The following DGUOK variants were observed in gnomAD, a reference collection of about 807,000 sequenced individuals.
DGUOK encodes the protein deoxyguanosine kinase, also known as deoxyguanosine kinase, mitochondrial.
A neutral mutation model predicts 36.6 loss-of-function variants in DGUOK; 30 were observed. The ratio of observed to expected loss-of-function variants is 0.82; its 90% CI spans 0.61 to 1.11. The LOEUF is 1.11. Ranked by LOEUF, DGUOK falls within the 50% of genes most tolerant of loss-of-function variation. DGUOK has a pLI of 0.00. For missense variants in DGUOK, 361 were observed against 336.4 expected, an observed-to-expected ratio of 1.07 and a Z score of -0.57; for synonymous variants, 145 against 126.3, an observed-to-expected ratio of 1.15 and a Z score of -0.99.
chr2:73,938,745 A>T (rs1270109008), intron 1 of DGUOK, among the ~76,000 whole-genome samples, 165 bp from the exon 2 acceptor site: 1 of 152,212 alleles, frequency 6.6e-6, no homozygotes, highest in African/African-American at 2.4e-5. Context: ...GGTTAGCATG[A>T]ATTGATCTGT....
At chr2:73,931,475 A>G (rs1055457750) in intron 1 of DGUOK, among the ~76,000 whole-genome samples, 2 of 152,182 alleles carry the variant, frequency 1.3e-5, no homozygotes, top group African/African-American at 4.8e-5. Flanking sequence ...AAGTAGTTGG[A>G]TGTGCCTGGA....
intron 1 of DGUOK, among the ~76,000 whole-genome samples, chr2:73,930,794 CTTTTTTTT>C (rs1028341314): frequency 5.6e-5 from 2 of 35,704 alleles, no homozygotes; most frequent in South Asian, 1.1e-3. Context: ...TTTTTTTTTT[CTTTTTTTT>C]TTTTTTTTTT....
At chr2:73,956,208 C>A (rs754225160) in intron 4 of DGUOK, among the ~76,000 whole-genome samples, 8 of 152,230 alleles carry the variant, frequency 5.3e-5, no homozygotes, top group Non-Finnish European at 1.2e-4. Context: ...GAATTATGTA[C>A]ACTCTGCAAA....
At chr2:73,951,213 C>T (rs1190486253) in intron 4 of DGUOK, among the ~76,000 whole-genome samples, 1 of 152,076 alleles carries the variant, frequency 6.6e-6, no homozygotes, top group Admixed American at 6.5e-5. Context: ...GCAGGATGGA[C>T]TATAGCAGTT....
intron 3 of DGUOK, 134 bp from the exon 4 acceptor site, chr2:73,950,451 C>T (rs936592121): frequency 3.3e-6 from 3 of 902,122 alleles, no homozygotes; most frequent in African/African-American, 3.3e-5. Context: ...TGATGAGGAG[C>T]TAGAAAGGTT....
chr2:73,958,084 T>C, intron 5 of DGUOK, 62 bp from the exon 6 acceptor site: 2 of 1,364,730 alleles, frequency 1.5e-6, no homozygotes, highest in Non-Finnish European at 2.1e-6. Flanking sequence ...GGCGAGTATG[T>C]GAAACTTGAC....
intron 1 of DGUOK, among the ~76,000 whole-genome samples, chr2:73,930,008 C>T (rs1297972646): frequency 6.6e-6 from 1 of 152,132 alleles, no homozygotes; most frequent in Non-Finnish European, 1.5e-5. Context: ...TAAATCGGGA[C>T]AGAGGATAGA....
chr2:73,933,879 G>A (rs1011762508), intron 1 of DGUOK, among the ~76,000 whole-genome samples: 3 of 152,132 alleles, frequency 2.0e-5, no homozygotes, highest in Non-Finnish European at 4.4e-5. Flanking sequence ...AATGAATGCA[G>A]CATCAAATAC....
At chr2:73,932,680 T>C (rs182776913) in intron 1 of DGUOK, 15 of 1,284,640 alleles carry the variant, frequency 1.2e-5, no homozygotes, top group African/African-American at 1.1e-4. Flanking sequence ...CTGACCAAAA[T>C]TGGGTATGTT....
intron 4 of DGUOK, among the ~76,000 whole-genome samples, chr2:73,953,286 C>G (rs1414643149): frequency 3.4e-4 from 32 of 93,706 alleles, no homozygotes; most frequent in African/African-American, 7.3e-4. Context: ...TGATCATCAT[C>G]ATCATCGTCG....
At chr2:73,932,179 A>G (rs757903565) in intron 1 of DGUOK, among the ~76,000 whole-genome samples, 3 of 152,074 alleles carry the variant, frequency 2.0e-5, no homozygotes, top group Non-Finnish European at 1.5e-5. Flanking sequence ...AGTAAATGCA[A>G]TTGCCCAAGA....
intron 2 of DGUOK, among the ~76,000 whole-genome samples, chr2:73,945,727 C>T (rs1005241206): frequency 1.3e-5 from 2 of 152,330 alleles, no homozygotes; most frequent in East Asian, 1.9e-4. Context: ...TTCACTTTTG[C>T]ATTGTTGAGT....
chr2:73,945,567 G>A (rs1682239254), intron 2 of DGUOK, among the ~76,000 whole-genome samples: 1 of 152,094 alleles, frequency 6.6e-6, no homozygotes, highest in Non-Finnish European at 1.5e-5. Context: ...GATTAATTGA[G>A]GTAACATACC....
At chr2:73,950,871 T>C in intron 4 of DGUOK, 139 bp downstream of exon 4, 1 of 1,174,682 alleles carries the variant, frequency 8.5e-7, no homozygotes, top group Non-Finnish European at 1.3e-6. Context: ...GGGGACACCC[T>C]CCTGTCCCAG....
intron 4 of DGUOK, among the ~76,000 whole-genome samples, chr2:73,952,022 T>C (rs1682741047): frequency 6.6e-6 from 1 of 152,064 alleles, no homozygotes; most frequent in African/African-American, 2.4e-5. Context: ...GTTTAAAAAT[T>C]AGCTGAGTGT....
intron 1 of DGUOK, among the ~76,000 whole-genome samples, chr2:73,936,665 C>G (rs1269179024): frequency 6.6e-6 from 1 of 152,172 alleles, no homozygotes; most frequent in Non-Finnish European, 1.5e-5. Context: ...GGTCCAGATA[C>G]AGTCTTAAGA....
At chr2:73,941,251 G>A (rs955966556) in intron 2 of DGUOK, among the ~76,000 whole-genome samples, 22 of 152,266 alleles carry the variant, frequency 1.4e-4, no homozygotes, top group African/African-American at 5.3e-4. Context: ...TACAACTGTA[G>A]CCTCAGCCAA....
intron 1 of DGUOK, among the ~76,000 whole-genome samples, chr2:73,928,523 T>C (rs565697328): frequency 3.9e-4 from 60 of 152,318 alleles, no homozygotes; most frequent in African/African-American, 1.4e-3. Flanking sequence ...CGTGGATACC[T>C]GGGAGAAGAA....
At chr2:73,952,921 T>C (rs1385990101) in intron 4 of DGUOK, among the ~76,000 whole-genome samples, 2 of 152,140 alleles carry the variant, frequency 1.3e-5, no homozygotes, top group South Asian at 2.1e-4. Flanking sequence ...CTCACAGTTA[T>C]GGAGACTGGG....
Sources: gnomAD v4.1 joint callset for allele counts (sites outside exome capture counted in the v4.1 genomes callset) on GRCh38, gnomAD v4.1.1 for gene constraint, MANE v1.5 for transcripts, NCBI Gene and HGNC (gene_info 2026-07-23, HGNC 2026-07-21) for gene names.